ZNF69: variants seen among roughly 807,000 people sequenced by gnomAD.
ZNF69 encodes the protein ZNF3.
Under a neutral mutation model 50.9 loss-of-function variants are expected in ZNF69, and 47 were observed. The observed-to-expected ratio is 0.92, with a 90% CI of 0.73 to 1.18. The LOEUF (loss-of-function observed/expected upper bound fraction) is 1.18, where lower values mean the gene tolerates loss of function less well. Among genes scored for constraint, ZNF69 ranks in the 50% most tolerant of loss-of-function variants. The probability of loss-of-function intolerance (pLI) is 0.00; values close to 1 mark genes in which losing one functional copy is unlikely to be tolerated. For missense variants in ZNF69, 717 were observed against 675.1 expected (o/e 1.06, Z -0.69); for synonymous variants, 216 against 223.1 (o/e 0.97, Z 0.29).
At chr19:11,939,248 A>G in the ZNF69 span, among the ~76,000 whole-genome samples, 1 of 152,102 alleles carries the variant, frequency 6.6e-6, no homozygotes, top group African/African-American at 2.4e-5. Flanking sequence ...CCATTTGTCA[A>G]TTTTGGCTTT....
chr19:11,950,261 C>G, the ZNF69 span: 2 of 1,601,328 alleles, frequency 1.2e-6, no homozygotes, highest in South Asian at 2.2e-5. Context: ...TAGCCTGGTT[C>G]CTTTTATGGA....
chr19:11,911,392 T>C (rs1418526234), downstream of ZNF69, among the ~76,000 whole-genome samples: 1 of 152,216 alleles, frequency 6.6e-6, no homozygotes, highest in Non-Finnish European at 1.5e-5. Flanking sequence ...ATTGTGGCAC[T>C]ATTCACAATA....
At chr19:11,978,930 G>A in the ZNF69 span, 1 of 1,614,146 alleles carries the variant, frequency 6.2e-7, no homozygotes, top group Non-Finnish European at 8.5e-7. Context: ...GAGTCACACG[G>A]GAGAGAAGCC....
the ZNF69 span, among the ~76,000 whole-genome samples, chr19:11,967,925 C>A: frequency 6.6e-6 from 1 of 152,156 alleles, no homozygotes; most frequent in African/African-American, 2.4e-5. Flanking sequence ...TATCCTTTAC[C>A]TTTTAGCACA....
chr19:11,942,344 A>T, the ZNF69 span, among the ~76,000 whole-genome samples: 868 of 151,936 alleles, frequency 5.7e-3, 7 homozygotes, highest in African/African-American at 0.02. Flanking sequence ...AGGACTGCTA[A>T]TGTTAACTTT....
the ZNF69 span, among the ~76,000 whole-genome samples, chr19:11,933,892 T>C: frequency 6.9e-6 from 1 of 144,870 alleles, no homozygotes; most frequent in Non-Finnish European, 1.5e-5. Flanking sequence ...AGAGACAGGG[T>C]CTCAAACACC....
At chr19:11,960,601 G>GT in the ZNF69 span, among the ~76,000 whole-genome samples, 314 of 143,352 alleles carry the variant, frequency 2.2e-3, 1 homozygote, top group South Asian at 6.9e-3. Flanking sequence ...GCAATGAGCG[G>GT]TTTTTTTTTT....
the ZNF69 span, among the ~76,000 whole-genome samples, chr19:11,966,858 T>C: frequency 1.3e-5 from 2 of 152,056 alleles, no homozygotes; most frequent in Non-Finnish European, 2.9e-5. Context: ...AAGATAGCAA[T>C]GGCCCAAACA....
the ZNF69 span, among the ~76,000 whole-genome samples, chr19:11,962,965 C>T: frequency 1.3e-5 from 2 of 152,190 alleles, no homozygotes; most frequent in East Asian, 1.9e-4. Context: ...CCTCAGTAGG[C>T]CAAGCCTCTT....
chr19:11,953,512 A>G, the ZNF69 span: 1 of 152,244 alleles, frequency 6.6e-6, no homozygotes, highest in African/African-American at 2.4e-5. Context: ...TAGACAAGGA[A>G]ATCTGCAATT....
Position 11,887,846 on chromosome 19 carries a change from G to C in ZNF69, c.-78G>C. On this transcript the variant is annotated 5_prime_UTR_variant, in exon 1 of 4. Coordinates refer to ENST00000429654, the MANE Select transcript of ZNF69 (RefSeq NM_001364730.1). ...TCACCTTTGTCCCTGCGCGGGCTGCGGCTGGGATCCGGTCTTTCCAGCCCC... is the reference window on the plus strand; with the variant it reads ...TCACCTTTGTCCCTGCGCGGGCTGCCGCTGGGATCCGGTCTTTCCAGCCCC... 5 of 1,369,732 alleles carry C rather than the reference G, an allele frequency of 3.7e-6. No homozygotes were observed. The highest frequency in any genetic ancestry group is 5.1e-6 in the Non-Finnish European group (5 of 976,196). The allele number at this position is 1,369,732 out of a possible 1,614,324, so 84.8% of individuals were successfully genotyped here.
downstream of ZNF69, among the ~76,000 whole-genome samples, chr19:11,916,334 G>A (rs370194613): frequency 1.3e-5 from 2 of 152,130 alleles, no homozygotes; most frequent in East Asian, 1.9e-4. Context: ...TTCAGGGGCC[G>A]CTGGGCAGAT....
chr19:11,935,175 CAA>C, the ZNF69 span, among the ~76,000 whole-genome samples: 23 of 44,376 alleles, frequency 5.2e-4, no homozygotes, highest in South Asian at 0.014. Flanking sequence ...GACTCCGTCT[CAA>C]AAAAAAAAAA....
chr19:11,945,931 G>A, the ZNF69 span, among the ~76,000 whole-genome samples: 1,089 of 152,212 alleles, frequency 7.2e-3, 21 homozygotes, highest in African/African-American at 0.025. Context: ...TTGTTTTGCC[G>A]AGACTCGTGT....
At chr19:11,923,419 C>A in the ZNF69 span, among the ~76,000 whole-genome samples, 1 of 152,194 alleles carries the variant, frequency 6.6e-6, no homozygotes, top group Non-Finnish European at 1.5e-5. Context: ...CCCATGGAAG[C>A]CACCCGACTC....
At chr19:11,926,187 C>G in the ZNF69 span, among the ~76,000 whole-genome samples, 3 of 152,158 alleles carry the variant, frequency 2.0e-5, no homozygotes, top group East Asian at 3.8e-4. Flanking sequence ...TTTTGCCTTG[C>G]GTGGCCTTAG....
chr19:11,949,963 C>T, the ZNF69 span: 4 of 1,613,976 alleles, frequency 2.5e-6, no homozygotes, highest in African/African-American at 5.3e-5. Context: ...TGGAGAGAAA[C>T]CCTATGAATG....
chr19:11,969,036 C>T, the ZNF69 span, among the ~76,000 whole-genome samples: 1 of 152,168 alleles, frequency 6.6e-6, no homozygotes, highest in African/African-American at 2.4e-5. Flanking sequence ...GACTCAACCC[C>T]ATGATCACAT....
At chr19:11,933,416 G>T in the ZNF69 span, among the ~76,000 whole-genome samples, 1,332 of 147,348 alleles carry the variant, frequency 9.0e-3, 221 homozygotes, top group African/African-American at 0.035. Context: ...ACTCTTTTTG[G>T]GCTGTGGTTT....
Sources: allele counts gnomAD v4.1 joint callset (sites outside exome capture counted in the v4.1 genomes callset), GRCh38; gene constraint gnomAD v4.1.1; transcripts MANE v1.5; gene names NCBI Gene and HGNC (gene_info 2026-07-23, HGNC 2026-07-21).